The following NAV1 variants were observed in gnomAD, a reference collection of about 807,000 sequenced individuals.
NAV1 encodes pore membrane and/or filament interacting like protein 3.
NAV1 carries 18 observed loss-of-function variants against 175.2 expected under a neutral mutation model. The ratio of observed to expected loss-of-function variants is 0.10; its 90% confidence interval spans 0.07 to 0.15. The LOEUF (loss-of-function observed/expected upper bound fraction) is 0.15, where lower values mean the gene tolerates loss of function less well. Ranked by LOEUF, NAV1 falls within the 10% of genes least tolerant of loss-of-function variation. NAV1 has a pLI of 1.00. For synonymous variants in NAV1, 897 were observed against 978.7 expected (o/e 0.92, Z 1.56); for missense variants, 1,731 against 2,436.6 (o/e 0.71, Z 6.10).
Position 201,782,360 on chromosome 1 carries a change from A to G in NAV1, c.1848A>G (p.Thr616=), listed in dbSNP as rs1676382384. ...AGAAGCCTCCTCCTGCCACAGGCAC[A>G]GCCACTGTCATGCAAACTGGTGGTT... Residue 616 remains threonine (T), a synonymous_variant, in exon 6 of 30, where the codon ACA becomes ACG. Transcript: ENST00000367296. This position sits in a 1 kb window ranked among gnomAD's most constrained non-coding sequence, Gnocchi z 5.4. 4 of 1,614,198 alleles carry G rather than the reference A, an allele frequency of 2.5e-6. No homozygotes were observed. The East Asian group carries it at 6.7e-5, about 27-fold the overall frequency.
intron 1 of NAV1, among the ~76,000 whole-genome samples, chr1:201,659,633 A>G (rs966645917): frequency 9.9e-5 from 15 of 152,192 alleles, no homozygotes; most frequent in African/African-American, 3.6e-4. Context: ...AAATAAATGA[A>G]TAATAAATAA....
intron 1 of NAV1, among the ~76,000 whole-genome samples, chr1:201,661,361 C>T (rs1272394223): frequency 2.0e-5 from 3 of 152,160 alleles, no homozygotes; most frequent in Admixed American, 2.0e-4. Context: ...GAAGCAGACC[C>T]ACAGAGGGGT....
intron 1 of NAV1, among the ~76,000 whole-genome samples, chr1:201,564,291 C>T (rs1338139997): frequency 6.6e-6 from 1 of 152,094 alleles, no homozygotes; most frequent in African/African-American, 2.4e-5. Context: ...GTGGCTTTAA[C>T]TTTTCTCACC....
chr1:201,808,090 G>T lies in NAV1; in HGVS notation c.3786G>T (p.Glu1262Asp), dbSNP rs764051302. 1 of 1,614,068 alleles carries T rather than the reference G, an allele frequency of 6.2e-7. No individual in the cohort carries two copies. Among genetic ancestry groups the T allele is most frequent in the African/African-American group, 1.3e-5 (1 of 74,922 alleles). Residue 1262 changes from glutamate to aspartate, a missense_variant, in exon 18 of 30, where the codon GAG becomes GAT. By Grantham distance (45) the Glu-to-Asp change is conservative. Transcript: ENST00000367296. This position sits in a 1 kb window ranked among gnomAD's most constrained non-coding sequence, Gnocchi z 5.5. ...CCAAACTACAGCATGGTTCTACAGA[G>T]ACTGCTTCACCCTCCATCAAGTCCT...
At chr1:201,713,572 G>T (rs917491250) in intron 2 of NAV1, among the ~76,000 whole-genome samples, 23 of 152,234 alleles carry the variant, frequency 1.5e-4, no homozygotes, top group Non-Finnish European at 3.1e-4. Context: ...CACAGGCTCT[G>T]CTGTGACTCA....
At chr1:201,804,579 T>G in intron 17 of NAV1, 82 bp downstream of exon 21, 5 of 356,614 alleles carry the variant, frequency 1.4e-5, no homozygotes, top group Non-Finnish European at 1.9e-5. Context: ...TCCCTTCCCC[T>G]AAAAAAAAAA....
intron 2 of NAV1, among the ~76,000 whole-genome samples, chr1:201,606,942 T>C (rs1393374017): frequency 6.6e-6 from 1 of 152,210 alleles, no homozygotes; most frequent in Non-Finnish European, 1.5e-5. Context: ...AGAATCTTTA[T>C]AAGATTCTCC....
intron 2 of NAV1, among the ~76,000 whole-genome samples, chr1:201,616,351 C>T (rs926510231): frequency 6.6e-6 from 1 of 152,156 alleles, no homozygotes; most frequent in Non-Finnish European, 1.5e-5. Flanking sequence ...AGGAGTTCTA[C>T]CATCAAATCC....
At chr1:201,544,208 C>T (rs1023508795) in intron 1 of NAV1, among the ~76,000 whole-genome samples, 2 of 152,206 alleles carry the variant, frequency 1.3e-5, no homozygotes, top group Non-Finnish European at 2.9e-5. Flanking sequence ...GCTTCAGTGT[C>T]TGTCATTTTT....
At chr1:201,802,226 A>ATC (rs1677944768) in intron 15 of NAV1, among the ~76,000 whole-genome samples, 1 of 143,130 alleles carries the variant, frequency 7.0e-6, no homozygotes, top group African/African-American at 2.5e-5. Context: ...AATCGTTTGA[A>ATC]CCCAGGAGAC....
At chr1:201,809,343 T>A (rs1369893012) in intron 21 of NAV1, 82 bp downstream of exon 25, 11 of 1,590,142 alleles carry the variant, frequency 6.9e-6, no homozygotes, top group Non-Finnish European at 9.5e-6. Context: ...CCTGGGTACC[T>A]CCAAAACCAA....
intron 1 of NAV1, chr1:201,672,998 A>G (rs1029780815): frequency 1.3e-5 from 2 of 152,208 alleles, no homozygotes; most frequent in Non-Finnish European, 2.9e-5. Flanking sequence ...AGCAAGCAGT[A>G]CCGAAGAAAA....
chr1:201,606,923 T>C (rs150307083), intron 2 of NAV1, among the ~76,000 whole-genome samples: 1 of 152,306 alleles, frequency 6.6e-6, no homozygotes, highest in East Asian at 1.9e-4. Flanking sequence ...AATCTGCAAT[T>C]TGTAACCAAG....
chr1:201,546,699 T>G (rs1481487398), intron 1 of NAV1, among the ~76,000 whole-genome samples: 1 of 151,826 alleles, frequency 6.6e-6, no homozygotes, highest in African/African-American at 2.4e-5. Context: ...GATCAGGAGA[T>G]CTAGACCATC....
chr1:201,555,975 G>C (rs1266971369), intron 1 of NAV1, among the ~76,000 whole-genome samples: 1 of 152,132 alleles, frequency 6.6e-6, no homozygotes, highest in African/African-American at 2.4e-5. Flanking sequence ...AGGTATTTGA[G>C]TTGGGAGACT....
intron 1 of NAV1, among the ~76,000 whole-genome samples, chr1:201,674,657 G>C (rs1558056639): frequency 6.6e-6 from 1 of 152,230 alleles, no homozygotes; most frequent in Admixed American, 6.5e-5. Flanking sequence ...AGAAGGTGAA[G>C]TGGGAGCAGG....
upstream of NAV1, among the ~76,000 whole-genome samples, chr1:201,618,958 A>G (rs1356299598): frequency 6.6e-6 from 1 of 152,008 alleles, no homozygotes; most frequent in Non-Finnish European, 1.5e-5. Flanking sequence ...CTGTTTGGGG[A>G]GCCCTCCTCC....
At chr1:201,608,610 A>C (rs905852573) in intron 2 of NAV1, among the ~76,000 whole-genome samples, 2 of 152,196 alleles carry the variant, frequency 1.3e-5, no homozygotes, top group Admixed American at 1.3e-4. Context: ...TGCTGACAGA[A>C]GTCTCCCATA....
In NAV1 at chr1:201,649,756, G is replaced by T. The variant is rs527709364; in HGVS notation, c.757+331G>T. Reference sequence around the variant, plus strand: ...CAGAATCCCAATATGGCAAAACCTGGGACTGGTGGAAACCTCCGTTGTGGT... The same window carrying T: ...CAGAATCCCAATATGGCAAAACCTGTGACTGGTGGAAACCTCCGTTGTGGT... On this transcript the variant is annotated intron_variant, in intron 1 of 29. Transcript: ENST00000367296. Among the ~76,000 whole-genome samples the T allele has an allele frequency of 2.6e-5, 4 of 152,354 alleles. No individual in the cohort carries two copies. In the South Asian group the frequency reaches 8.3e-4, roughly 32 times the overall value.
Sources: gnomAD v4.1 joint callset for allele counts (sites outside exome capture counted in the v4.1 genomes callset) on GRCh38, gnomAD v4.1.1 for gene constraint, Gnocchi (gnomAD v3.1) non-coding constraint, MANE v1.5 for transcripts, NCBI Gene and HGNC (gene_info 2026-07-23, HGNC 2026-07-21) for gene names.